SMPD3: variants seen among roughly 807,000 people sequenced by gnomAD.
SMPD3 encodes the protein nSMase-2.
A neutral mutation model predicts 55.7 loss-of-function variants in SMPD3; 21 were observed. The ratio of observed to expected loss-of-function variants is 0.38; its 90% confidence interval spans 0.27 to 0.54. The LOEUF is 0.54. Ranked by LOEUF, SMPD3 falls within the 20% of genes least tolerant of loss-of-function variation. The pLI is 0.80. For synonymous variants in SMPD3, 457 were observed against 404.3 expected, an observed-to-expected ratio of 1.13 and a Z score of -1.56; for missense variants, 842 against 899.6, an observed-to-expected ratio of 0.94 and a Z score of 0.82.
intron 1 of SMPD3, among the ~76,000 whole-genome samples, chr16:68,436,432 C>T (rs2090523855): frequency 1.3e-5 from 2 of 152,136 alleles, no homozygotes; most frequent in Non-Finnish European, 2.9e-5. Context: ...CTCTGCTCCT[C>T]CTTCCATATT....
Position 68,363,789 on chromosome 16 carries a change from G to T in SMPD3, c.1633C>A (p.Pro545Thr). The T allele has an allele frequency of 6.4e-7, 1 of 1,566,370 alleles. No homozygotes were observed. ...AGCCCCAGCTCACCGATGGCCCACG[G>T]CTTCTCCTCACCAGGCCCCAGGCGG... ...PCRLGPGEEK[P>T]WAIGTLLDTN... The change falls in exon 6 of 9, where the codon CCG (proline) becomes ACG (threonine). Residue 545 changes from proline (P) to threonine (T), a missense_variant. This residue lies in a region of SMPD3 where 649 missense variants were observed against 643.6 expected (regional missense o/e 1.01). Transcript: ENST00000219334.
chr16:68,362,416 T>C (rs2089328766), intron 7 of SMPD3, among the ~76,000 whole-genome samples: 1 of 152,190 alleles, frequency 6.6e-6, no homozygotes, highest in Non-Finnish European at 1.5e-5. Flanking sequence ...ACATCTGGAA[T>C]CCCTTTCTGG....
At position 68,360,015 on chromosome 16, in the gene SMPD3, G is replaced by T; in HGVS notation, c.*1191C>A. Reference sequence around the variant, plus strand: ...CCAGCTTGCGCACTGGTGAGGGCCAGGCTGCTCTCTGCACCTTGGCTTCCT... The same window carrying T: ...CCAGCTTGCGCACTGGTGAGGGCCATGCTGCTCTCTGCACCTTGGCTTCCT... On this transcript the variant is annotated 3_prime_UTR_variant, in exon 9 of 9. Transcript: ENST00000219334. The T allele has an allele frequency of 6.5e-6, 1 of 153,052 alleles. No individual in the cohort carries two copies. The highest frequency in any genetic ancestry group is 1.5e-5 in the Non-Finnish European group (1 of 68,426). The allele number at this position is 153,052 out of a possible 1,614,324, so 9.5% of individuals were successfully genotyped here. A position where few individuals can be genotyped will look rare whatever the true frequency, so the allele number is the denominator to read the frequency against.
chr16:68,362,339 G>A (rs996619471), intron 7 of SMPD3, among the ~76,000 whole-genome samples: 1 of 152,246 alleles, frequency 6.6e-6, no homozygotes. Context: ...CCGCTTCTGA[G>A]TGAGGAAACC....
In SMPD3 at chr16:68,365,204, C is replaced by T. The variant is rs568873234; in HGVS notation, c.1324-112G>A. The T allele has an allele frequency of 6.6e-5, 72 of 1,093,638 alleles. No homozygotes were observed. In the African/African-American group the frequency reaches 8.7e-4, roughly 13 times the overall value. 67.7% of individuals were successfully genotyped at this position (1,093,638 alleles called of 1,614,324 possible). A position where few individuals can be genotyped will look rare whatever the true frequency, so the allele number is the denominator to read the frequency against. On this transcript the variant is annotated intron_variant, in intron 3 of 8. Transcript: ENST00000219334. Reference sequence around the variant, plus strand: ...AGGTCAGACCCTCACAAGCCTGGCTCCTGGCTGGATTCTGGGGTCCGAGTA... The same window carrying T: ...AGGTCAGACCCTCACAAGCCTGGCTTCTGGCTGGATTCTGGGGTCCGAGTA...
rs534582817 is a variant in SMPD3 at position 68,430,373 on chromosome 16, A to AGGGCCAT, written c.-269+17973_-269+17979dup. 2.0e-4 allele frequency among the ~76,000 whole-genome samples: 30 copies of AGGGCCAT among 152,344 alleles called. 1 individual carries two copies. In the South Asian group the frequency reaches 6.0e-3, roughly 31 times the overall value. ...GTCATGCTTTATCGACTACAATGCT[A>AGGGCCAT]GGGCCATGGGTTGTGATTCTGTGGT... On this transcript the variant is annotated intron_variant, in intron 1 of 8. Coordinates refer to ENST00000219334, the MANE Select transcript of SMPD3 (RefSeq NM_018667.4).
intron 7 of SMPD3, among the ~76,000 whole-genome samples, chr16:68,362,860 A>G (rs561555916): frequency 4.9e-4 from 75 of 152,354 alleles, no homozygotes; most frequent in African/African-American, 1.7e-3. Flanking sequence ...TCAGCATAGG[A>G]TGATGTTTCA....
chr16:68,401,989 C>T (rs992624353), intron 1 of SMPD3, among the ~76,000 whole-genome samples: 1 of 152,188 alleles, frequency 6.6e-6, no homozygotes, highest in African/African-American at 2.4e-5. Context: ...CACAAAGAGG[C>T]AACAAGGTTC....
chr16:68,387,881 TG>T (rs1270167361), intron 1 of SMPD3, among the ~76,000 whole-genome samples: 1 of 152,230 alleles, frequency 6.6e-6, no homozygotes, highest in Non-Finnish European at 1.5e-5. Flanking sequence ...TAACTGAAGA[TG>T]TAGCAGCAGT....
intron 2 of SMPD3, among the ~76,000 whole-genome samples, chr16:68,381,623 A>C (rs1280656121): frequency 6.6e-6 from 1 of 152,004 alleles, no homozygotes; most frequent in Admixed American, 6.6e-5. Flanking sequence ...TAGATGTGGA[A>C]CCTTCCAGAG....
rs1311403809 is a variant in SMPD3, at chr16:68,363,773, T to C, written c.1645+4A>G. 3 of 1,560,020 alleles carry C rather than the reference T, an allele frequency of 1.9e-6. No homozygotes were observed. Among genetic ancestry groups the C allele is most frequent in the Non-Finnish European group, 2.6e-6 (3 of 1,152,570 alleles). ...CCCATCCTCCTCCCCCAGCCCCAGCTCACCGATGGCCCACGGCTTCTCCTC... is the reference window on the plus strand; with the variant it reads ...CCCATCCTCCTCCCCCAGCCCCAGCCCACCGATGGCCCACGGCTTCTCCTC... On this transcript the variant is annotated splice_donor_region_variant and intron_variant, in intron 6 of 8. Coordinates refer to ENST00000219334, the MANE Select transcript of SMPD3 (RefSeq NM_018667.4).
chr16:68,364,032 A>G (rs2089399822), intron 5 of SMPD3, among the ~76,000 whole-genome samples, 166 bp from the exon 6 acceptor site: 2 of 151,862 alleles, frequency 1.3e-5, no homozygotes, highest in Admixed American at 6.6e-5. Flanking sequence ...CCCGTGCTTC[A>G]TTTGTCGCTG....
intron 1 of SMPD3, among the ~76,000 whole-genome samples, chr16:68,424,607 C>A (rs2090421372): frequency 6.6e-6 from 1 of 152,244 alleles, no homozygotes. Flanking sequence ...AGAATCCACA[C>A]AGAATGGTTC....
chr16:68,403,391 G>C (rs1453072917), intron 1 of SMPD3, among the ~76,000 whole-genome samples: 1 of 152,122 alleles, frequency 6.6e-6, no homozygotes, highest in East Asian at 1.9e-4. Flanking sequence ...ATTTGCTACA[G>C]GTCAGAACTG....
chr16:68,418,429 A>G (rs1185053712), intron 1 of SMPD3, among the ~76,000 whole-genome samples: 1 of 152,222 alleles, frequency 6.6e-6, no homozygotes, highest in Admixed American at 6.5e-5. Context: ...AGACGATGCA[A>G]ATCTAGGCCT....
Position 68,396,783 on chromosome 16 carries a change from T to C in SMPD3, c.-268-10124A>G, listed in dbSNP as rs142927334. ...CCAATTGTTTGAATTATTGCCTCAA[T>C]GAGGCTACTTTGTGGTAAAACAAAA... On this transcript the variant is annotated intron_variant, in intron 1 of 8. Transcript: ENST00000219334. Among the ~76,000 whole-genome samples, 646 of 152,364 alleles carry C rather than the reference T, an allele frequency of 4.2e-3. 5 individuals are homozygous for C. The highest frequency in any genetic ancestry group is 0.015 in the African/African-American group (624 of 41,586).
At chr16:68,422,972 A>G (rs577188791) in intron 1 of SMPD3, among the ~76,000 whole-genome samples, 1 of 152,308 alleles carries the variant, frequency 6.6e-6, no homozygotes, top group South Asian at 2.1e-4. Flanking sequence ...TTTAGTTGTA[A>G]TGGTAAACCT....
At chr16:68,439,942 T>C (rs1451506805) in intron 1 of SMPD3, among the ~76,000 whole-genome samples, 3 of 152,210 alleles carry the variant, frequency 2.0e-5, no homozygotes, top group Non-Finnish European at 4.4e-5. Flanking sequence ...GTAAACATGA[T>C]GGAGAACAAT....
At chr16:68,443,567 C>T (rs1321449445) in intron 1 of SMPD3, among the ~76,000 whole-genome samples, 1 of 152,120 alleles carries the variant, frequency 6.6e-6, no homozygotes, top group African/African-American at 2.4e-5. Flanking sequence ...CGCTTGGCTT[C>T]CTGTGAAAAT....
Sources: gnomAD v4.1 joint callset for allele counts (sites outside exome capture counted in the v4.1 genomes callset) on GRCh38, gnomAD v4.1.1 for gene constraint, gnomAD v4.1.1 regional missense constraint, MANE v1.5 for transcripts, NCBI Gene and HGNC (gene_info 2026-07-23, HGNC 2026-07-21) for gene names.